Variants in BLTP1 observed in about 807,000 individuals in gnomAD.
The protein encoded by BLTP1 is bridge-like lipid transfer protein family member 1.
the BLTP1 span, chr4:122,306,760 A>G: frequency 1.2e-6 from 1 of 801,736 alleles, no homozygotes. Flanking sequence ...AAGAAGGCTG[A>G]ACAGGTAGAC....
the BLTP1 span, among the ~76,000 whole-genome samples, chr4:122,230,678 A>AATTATTATTATAT: frequency 6.6e-6 from 1 of 152,152 alleles, no homozygotes; most frequent in Non-Finnish European, 1.5e-5. Flanking sequence ...GTCCTTAGGA[A>AATTATTATTATAT]ATTATTATTA....
chr4:122,286,484 G>A, the BLTP1 span: 31 of 1,595,970 alleles, frequency 1.9e-5, no homozygotes, highest in Non-Finnish European at 2.7e-5. Context: ...GAAAAAGTGA[G>A]GAATGAATGA....
At chr4:122,182,795 A>G in the BLTP1 span, 6 of 985,182 alleles carry the variant, frequency 6.1e-6, no homozygotes, top group Non-Finnish European at 7.2e-6. Context: ...TGCTCTACCA[A>G]ATCGATTCAA....
the BLTP1 span, chr4:122,251,099 A>T: frequency 1.0e-6 from 1 of 985,326 alleles, no homozygotes; most frequent in Non-Finnish European, 1.2e-6. Flanking sequence ...TGGTTGAAGA[A>T]ATGTCGTGCC....
chr4:122,331,336 C>T, the BLTP1 span: 7 of 1,609,688 alleles, frequency 4.3e-6, no homozygotes, highest in Middle Eastern at 1.7e-4. Flanking sequence ...ACATACGTCT[C>T]GTAAAAAAGC....
the BLTP1 span, chr4:122,269,676 A>G: frequency 1.0e-6 from 1 of 985,212 alleles, no homozygotes; most frequent in Non-Finnish European, 1.2e-6. Flanking sequence ...GTTGTATATT[A>G]GTTTGGGGTT....
At chr4:122,192,964 G>A in the BLTP1 span, among the ~76,000 whole-genome samples, 1 of 152,160 alleles carries the variant, frequency 6.6e-6, no homozygotes, top group Admixed American at 6.5e-5. Flanking sequence ...CAAGGTGGTG[G>A]CATGATTGGT....
At chr4:122,280,590 G>A in the BLTP1 span, among the ~76,000 whole-genome samples, 4 of 150,968 alleles carry the variant, frequency 2.6e-5, no homozygotes, top group African/African-American at 9.8e-5. Context: ...TTGAACCCGG[G>A]AGGCAGAGGT....
At chr4:122,189,267 C>CT in the BLTP1 span, 1 of 957,906 alleles carries the variant, frequency 1.0e-6, no homozygotes. Flanking sequence ...TTAATATCAT[C>CT]TAATGATTGA....
the BLTP1 span, among the ~76,000 whole-genome samples, chr4:122,253,542 T>C: frequency 1.3e-5 from 2 of 151,810 alleles, no homozygotes; most frequent in Non-Finnish European, 1.5e-5. Context: ...ACAGCAAAAT[T>C]GTTCAAGCAG....
the BLTP1 span, chr4:122,330,893 G>C: frequency 3.5e-6 from 2 of 568,184 alleles, no homozygotes; most frequent in Non-Finnish European, 4.4e-6. Flanking sequence ...TATAACATAA[G>C]GGTTCAATTT....
chr4:122,201,226 T>A, the BLTP1 span: 1 of 847,726 alleles, frequency 1.2e-6, no homozygotes. Flanking sequence ...TATGATATGA[T>A]TCATATTTTC....
the BLTP1 span, chr4:122,298,836 A>C: frequency 1.0e-6 from 1 of 983,484 alleles, no homozygotes; most frequent in Non-Finnish European, 1.2e-6. Context: ...GATGAAAGAA[A>C]ATAGCAAGAA....
chr4:122,289,069 T>C, the BLTP1 span: 10 of 1,604,096 alleles, frequency 6.2e-6, no homozygotes, highest in Admixed American at 1.7e-4. Flanking sequence ...GTTAATCTAA[T>C]ATGATTTTGT....
the BLTP1 span, among the ~76,000 whole-genome samples, chr4:122,361,762 T>TAACA: frequency 1.3e-5 from 2 of 152,242 alleles, no homozygotes; most frequent in African/African-American, 4.8e-5. Flanking sequence ...GATAACTGTA[T>TAACA]AACAGGCCTA....
the BLTP1 span, among the ~76,000 whole-genome samples, chr4:122,334,955 C>T: frequency 6.6e-6 from 1 of 152,024 alleles, no homozygotes; most frequent in Admixed American, 6.6e-5. Flanking sequence ...ACAACCTCAA[C>T]CACAGGTTCT....
At chr4:122,260,635 G>A in the BLTP1 span, among the ~76,000 whole-genome samples, 1 of 151,826 alleles carries the variant, frequency 6.6e-6, no homozygotes, top group Non-Finnish European at 1.5e-5. Context: ...GAATCAAATT[G>A]GTGCAACCTC....
the BLTP1 span, among the ~76,000 whole-genome samples, chr4:122,242,440 T>G: frequency 6.6e-6 from 1 of 151,948 alleles, no homozygotes; most frequent in African/African-American, 2.4e-5. Flanking sequence ...ATGTAGAGAG[T>G]AGAATGGTGG....
the BLTP1 span, chr4:122,231,555 A>T: frequency 1.5e-6 from 1 of 650,544 alleles, no homozygotes; most frequent in African/African-American, 2.0e-5. Context: ...TTTATCTTTT[A>T]ATTTTGTTTT....
Sources: allele counts gnomAD v4.1 joint callset (sites outside exome capture counted in the v4.1 genomes callset), GRCh38; gene constraint gnomAD v4.1.1; transcripts MANE v1.5; gene names NCBI Gene and HGNC (gene_info 2026-07-23, HGNC 2026-07-21).